MLLT1: variants seen among roughly 807,000 people sequenced by gnomAD.
The protein encoded by MLLT1 is protein ENL.
Under a neutral mutation model 55.1 loss-of-function variants are expected in MLLT1, and 11 were observed. The observed-to-expected ratio is 0.20, with a 90% confidence interval of 0.13 to 0.33. MLLT1 has a LOEUF of 0.33. Ranked by LOEUF, MLLT1 falls within the 10% of genes least tolerant of loss-of-function variation. The pLI, the probability that MLLT1 is intolerant of heterozygous loss-of-function variation, is 1.00. For synonymous variants in MLLT1, 323 were observed against 320.1 expected (o/e 1.01, Z -0.10); for missense variants, 536 against 760.6 (o/e 0.70, Z 3.47).
At chr19:6,268,432 G>A (rs138148253) in intron 2 of MLLT1, among the ~76,000 whole-genome samples, 1 of 152,236 alleles carries the variant, frequency 6.6e-6, no homozygotes, top group African/African-American at 2.4e-5. Flanking sequence ...GGAGTCCAGA[G>A]AGGGCTAGGA....
chr19:6,243,013 T>C (rs2144902652), intron 3 of MLLT1, among the ~76,000 whole-genome samples: 1 of 152,296 alleles, frequency 6.6e-6, no homozygotes, highest in African/African-American at 2.4e-5. Flanking sequence ...GCTAAAAGGA[T>C]TGCCAAGGAA....
chr19:6,262,146 G>T lies in MLLT1; in HGVS notation c.276+82C>A. ...TGCATGGGCAGCGGCCAGTTCTCTGGCCTGTTTTGTGAACTGCCGTGGCAC... is the reference window on the plus strand; with the variant it reads ...TGCATGGGCAGCGGCCAGTTCTCTGTCCTGTTTTGTGAACTGCCGTGGCAC... On this transcript the variant is annotated intron_variant, in intron 3 of 11. Coordinates refer to ENST00000252674, the MANE Select transcript of MLLT1 (RefSeq NM_005934.4). The surrounding 1 kb of genome is among the most constrained non-coding windows in gnomAD (Gnocchi z 4.4). 1.8e-6 allele frequency: 2 copies of T among 1,083,908 alleles called. No homozygotes were observed. Among genetic ancestry groups the T allele is most frequent in the Non-Finnish European group, 2.8e-6 (2 of 704,570 alleles). 67.1% of individuals were successfully genotyped at this position (1,083,908 alleles called of 1,614,324 possible).
intron 6 of MLLT1, among the ~76,000 whole-genome samples, 169 bp downstream of exon 6, chr19:6,221,952 G>A (rs1012744109): frequency 2.0e-5 from 3 of 152,226 alleles, no homozygotes; most frequent in African/African-American, 4.8e-5. Flanking sequence ...CAGGGAAACC[G>A]AAGCCTAGTG....
At chr19:6,245,865 C>G (rs78749145) in intron 3 of MLLT1, among the ~76,000 whole-genome samples, 5,645 of 152,178 alleles carry the variant, frequency 0.037, 107 homozygotes, top group Middle Eastern at 0.078. Context: ...CCACTGCACC[C>G]CATCCAGCCT....
At chr19:6,266,995 C>T (rs117789540) in intron 2 of MLLT1, among the ~76,000 whole-genome samples, 4,516 of 152,186 alleles carry the variant, frequency 0.03, 77 homozygotes, top group Middle Eastern at 0.048. Context: ...CCAGGTAAGG[C>T]GGCTGACACC....
chr19:6,214,523 C>T (rs954983667), intron 8 of MLLT1, among the ~76,000 whole-genome samples: 2 of 152,188 alleles, frequency 1.3e-5, no homozygotes, highest in African/African-American at 4.8e-5. Context: ...GCCCCCCTGA[C>T]CCTAGAGGGT....
At chr19:6,248,856 G>T (rs191842568) in intron 3 of MLLT1, among the ~76,000 whole-genome samples, 1 of 152,176 alleles carries the variant, frequency 6.6e-6, no homozygotes, top group Non-Finnish European at 1.5e-5. Flanking sequence ...GTTGGGTTGT[G>T]GGGGAGGTCC....
chr19:6,265,052 AAAAACAAAAAAAC>A (rs1568296314), intron 2 of MLLT1, among the ~76,000 whole-genome samples: 16 of 33,000 alleles, frequency 4.8e-4, no homozygotes, highest in East Asian at 3.8e-3. Context: ...AAAAAAACAA[AAAAACAAAAAAAC>A]AAAAAAAAAC....
At chr19:6,223,033 G>T (rs1025144763) in intron 5 of MLLT1, among the ~76,000 whole-genome samples, 5 of 152,202 alleles carry the variant, frequency 3.3e-5, no homozygotes, top group African/African-American at 1.2e-4. Context: ...TCACAGCTGG[G>T]CCTGGGCAAG....
chr19:6,223,619 C>T (rs3787067), intron 5 of MLLT1, among the ~76,000 whole-genome samples: 78,620 of 152,142 alleles, frequency 0.52, 24,492 homozygotes, highest in Non-Finnish European at 0.66. Flanking sequence ...AGGCTGGCAG[C>T]GAGCACACAG....
rs546270475 is a variant in MLLT1, at chr19:6,227,935, A to G, written c.421-833T>C. On this transcript the variant is annotated intron_variant, in intron 4 of 11. Transcript: ENST00000252674. The surrounding 1 kb of genome is among the most constrained non-coding windows in gnomAD (Gnocchi z 5.1). ...CAAAAGAAGAAAATACACTTCAAAA[A>G]AAAAGTATTGAAGTCGGTAGAAGAA... 7.2e-4 allele frequency among the ~76,000 whole-genome samples: 110 copies of G among 152,332 alleles called. 1 individual carries two copies. The highest frequency in any genetic ancestry group is 4.4e-5 in the Non-Finnish European group (3 of 68,034).
intron 3 of MLLT1, among the ~76,000 whole-genome samples, chr19:6,242,523 T>C (rs1243303758): frequency 6.6e-6 from 1 of 152,176 alleles, no homozygotes; most frequent in Non-Finnish European, 1.5e-5. Context: ...GGTCTAATAT[T>C]AGTGGCAAAT....
intron 1 of MLLT1, among the ~76,000 whole-genome samples, chr19:6,271,883 C>T (rs1486232559): frequency 6.6e-6 from 1 of 152,372 alleles, no homozygotes; most frequent in South Asian, 2.1e-4. Context: ...CGCCATCGCT[C>T]GGCAACTGGC....
rs1250600144 is a variant in MLLT1, at chr19:6,240,865, G to T, written c.277-10152C>A. ...AATTAGAAACCAAAAGGAGGAGGCA[G>T]AAATGCAGACACCACATTTTAAAAT... On this transcript the variant is annotated intron_variant, in intron 3 of 11. Transcript: ENST00000252674. The surrounding 1 kb of genome is among the most constrained non-coding windows in gnomAD (Gnocchi z 4.7). 1.3e-5 allele frequency among the ~76,000 whole-genome samples: 2 copies of T among 152,158 alleles called. No homozygotes were observed. The highest frequency in any genetic ancestry group is 2.9e-5 in the Non-Finnish European group (2 of 68,028).
At chr19:6,257,806 AAAAC>A (rs1388313952) in intron 3 of MLLT1, among the ~76,000 whole-genome samples, 1 of 152,216 alleles carries the variant, frequency 6.6e-6, no homozygotes, top group Non-Finnish European at 1.5e-5. Flanking sequence ...ATCTCGGAAA[AAAAC>A]AAACAAAAAT....
chr19:6,239,224 G>A (rs1426276969), intron 3 of MLLT1, among the ~76,000 whole-genome samples: 4 of 152,230 alleles, frequency 2.6e-5, no homozygotes, highest in African/African-American at 9.7e-5. Flanking sequence ...CGGCAAGAAA[G>A]CAAGGGAAGA....
intron 5 of MLLT1, among the ~76,000 whole-genome samples, chr19:6,223,233 G>C (rs2090921222): frequency 6.6e-6 from 1 of 152,194 alleles, no homozygotes; most frequent in African/African-American, 2.4e-5. Flanking sequence ...CCAGGGTCCA[G>C]CCAGCTCAGG....
chr19:6,259,227 A>C (rs1165106416), intron 3 of MLLT1: 1 of 152,134 alleles, frequency 6.6e-6, no homozygotes, highest in African/African-American at 2.4e-5. Context: ...CTGACCTCCC[A>C]CCGAGGAGTA....
At chr19:6,267,363 C>T (rs865952908) in intron 2 of MLLT1, among the ~76,000 whole-genome samples, 2 of 150,548 alleles carry the variant, frequency 1.3e-5, no homozygotes, top group Non-Finnish European at 2.9e-5. Context: ...CTCGGCCTCC[C>T]AAAGTGCTGG....
Sources: gnomAD v4.1 joint callset for allele counts (sites outside exome capture counted in the v4.1 genomes callset) on GRCh38, gnomAD v4.1.1 for gene constraint, Gnocchi (gnomAD v3.1) non-coding constraint, MANE v1.5 for transcripts, NCBI Gene and HGNC (gene_info 2026-07-23, HGNC 2026-07-21) for gene names.